F13A1: variants seen among roughly 807,000 people sequenced by gnomAD.
The protein encoded by F13A1 is FSF, A subunit.
F13A1 carries 47 observed loss-of-function variants against 80.1 expected under a neutral mutation model. The observed-to-expected ratio is 0.59, with a 90% CI of 0.46 to 0.75. The LOEUF (loss-of-function observed/expected upper bound fraction) is 0.75. Among genes scored for constraint, F13A1 ranks in the 30% least tolerant of loss-of-function variants. The probability of loss-of-function intolerance (pLI) is 0.00; values close to 1 mark genes in which losing one functional copy is unlikely to be tolerated. For synonymous variants in F13A1, 349 were observed against 344.9 expected, an observed-to-expected ratio of 1.01 and a Z score of -0.13; for missense variants, 817 against 930.4, an observed-to-expected ratio of 0.88 and a Z score of 1.59.
At position 6,197,227 on chromosome 6, in the gene F13A1, G is replaced by A. The variant is rs537966361; in HGVS notation, c.1212C>T (p.Ser404=). 7 of 1,613,836 alleles carry A rather than the reference G, an allele frequency of 4.3e-6. No homozygotes were observed. The highest frequency in any genetic ancestry group is 4.5e-5 in the East Asian group (2 of 44,884). ...QAVDSTPQEN[S]DGMYRCGPAS... is the part of the protein sequence containing the mutation. The stretch of plus-strand genomic sequence containing the variant: ...AGAGGGAGGACACAGTTTTACCATC[G>A]CTATTTTCCTGGGGGGTGCTGTCCA... The change falls in exon 9 of 15, where the codon AGC becomes AGT. Residue 404 remains serine (S), a synonymous_variant. Transcript: ENST00000264870.
chr6:6,317,925 T>A (rs1758707844), intron 2 of F13A1, among the ~76,000 whole-genome samples: 1 of 151,932 alleles, frequency 6.6e-6, no homozygotes, highest in Non-Finnish European at 1.5e-5. Context: ...TGAGAGGAGG[T>A]CAGCTGCCGG....
At chr6:6,296,276 T>A (rs1384173156) in intron 3 of F13A1, among the ~76,000 whole-genome samples, 1 of 151,374 alleles carries the variant, frequency 6.6e-6, no homozygotes, top group South Asian at 2.1e-4. Context: ...TTTCCAATTC[T>A]GTGAAGAAAG....
chr6:6,198,921 A>G (rs764475733), intron 8 of F13A1, among the ~76,000 whole-genome samples: 1 of 152,204 alleles, frequency 6.6e-6, no homozygotes, highest in Non-Finnish European at 1.5e-5. Flanking sequence ...GTTTGAGCTG[A>G]GGCTCGAAAG....
chr6:6,179,987 T>C (rs146947293), intron 11 of F13A1, among the ~76,000 whole-genome samples: 1 of 152,340 alleles, frequency 6.6e-6, no homozygotes, highest in Non-Finnish European at 1.5e-5. Flanking sequence ...GCCTTCACTG[T>C]CACCTCCATG....
Position 6,297,618 on chromosome 6 carries a change from T to C in F13A1, c.319+7733A>G, listed in dbSNP as rs1441972491. Among the ~76,000 whole-genome samples the C allele has an allele frequency of 2.9e-4, 43 of 149,656 alleles. No homozygotes were observed. In the Middle Eastern group the frequency reaches 0.017, roughly 60 times the overall value. On this transcript the variant is annotated intron_variant, in intron 3 of 14. Coordinates refer to ENST00000264870, the MANE Select transcript of F13A1 (RefSeq NM_000129.4). Reference sequence around the variant, plus strand: ...ATCCCCTTTATCATTTTTTATTGTGTCTATTTGATTCTTCTCTCTTTTTTT... The same window carrying C: ...ATCCCCTTTATCATTTTTTATTGTGCCTATTTGATTCTTCTCTCTTTTTTT...
chr6:6,297,856 A>T (rs1265204686), intron 3 of F13A1, among the ~76,000 whole-genome samples: 1 of 149,246 alleles, frequency 6.7e-6, no homozygotes, highest in Non-Finnish European at 1.5e-5. Context: ...TCAATTTTGG[A>T]TCTTTCCTGC....
chr6:6,310,001 T>C (rs1322804485), intron 2 of F13A1, among the ~76,000 whole-genome samples: 2 of 152,190 alleles, frequency 1.3e-5, no homozygotes, highest in Non-Finnish European at 2.9e-5. Context: ...TTGGTATCAT[T>C]GGTATGTCTC....
At chr6:6,314,423 A>C (rs986953082) in intron 2 of F13A1, among the ~76,000 whole-genome samples, 1 of 152,126 alleles carries the variant, frequency 6.6e-6, no homozygotes, top group South Asian at 2.1e-4. Flanking sequence ...TCCCAGGCTT[A>C]TATCTTCTCT....
intron 14 of F13A1, among the ~76,000 whole-genome samples, chr6:6,151,491 C>A (rs1760373057): frequency 6.6e-6 from 1 of 152,202 alleles, no homozygotes; most frequent in Non-Finnish European, 1.5e-5. Flanking sequence ...CAGCCTGAGT[C>A]TGAATCTTGG....
Position 6,144,249 on chromosome 6 carries a change from T to C in F13A1, c.*1370A>G, listed in dbSNP as rs1760236235. 6.6e-6 allele frequency: 1 copy of C among 152,138 alleles called. No individual in the cohort carries two copies. The highest frequency in any genetic ancestry group is 1.5e-5 in the Non-Finnish European group (1 of 68,020). 9.4% of individuals were successfully genotyped at this position (152,138 alleles called of 1,614,324 possible). A position where few individuals can be genotyped will look rare whatever the true frequency, so the allele number is the denominator to read the frequency against. On this transcript the variant is annotated 3_prime_UTR_variant, in exon 15 of 15. Transcript: ENST00000264870. Reference sequence around the variant, plus strand: ...TTACTTAGTAAAGTTAAGTATGATGTATATATAGAGGGGACCAGCTCACCC... The same window carrying C: ...TTACTTAGTAAAGTTAAGTATGATGCATATATAGAGGGGACCAGCTCACCC...
At chr6:6,165,143 C>T (rs1359174572) in intron 13 of F13A1, among the ~76,000 whole-genome samples, 2 of 152,196 alleles carry the variant, frequency 1.3e-5, no homozygotes, top group African/African-American at 4.8e-5. Flanking sequence ...CTCTCTCATG[C>T]TCTCTTCCCT....
chr6:6,152,831 CTTGT>C (rs568908197), intron 13 of F13A1, among the ~76,000 whole-genome samples: 14 of 152,260 alleles, frequency 9.2e-5, no homozygotes, highest in South Asian at 2.1e-4. Flanking sequence ...GGCTATAAGA[CTTGT>C]TTGTTTGTTT....
intron 3 of F13A1, among the ~76,000 whole-genome samples, chr6:6,285,471 A>G (rs1355600626): frequency 6.6e-6 from 1 of 152,252 alleles, no homozygotes; most frequent in Non-Finnish European, 1.5e-5. Flanking sequence ...GAGCATCCCA[A>G]TGGCTAAGCT....
intron 6 of F13A1, among the ~76,000 whole-genome samples, chr6:6,238,114 T>C (rs1757436367): frequency 6.6e-6 from 1 of 152,210 alleles, no homozygotes; most frequent in Non-Finnish European, 1.5e-5. Context: ...AGGACATACA[T>C]ATAAACTAAT....
chr6:6,193,812 G>T (rs1359154450), intron 10 of F13A1, among the ~76,000 whole-genome samples: 1 of 152,098 alleles, frequency 6.6e-6, no homozygotes, highest in Non-Finnish European at 1.5e-5. Context: ...CCTCATTAGG[G>T]GCTCTCGTAG....
chr6:6,177,454 ATGT>A (rs1287296812), intron 11 of F13A1, among the ~76,000 whole-genome samples: 2 of 152,274 alleles, frequency 1.3e-5, no homozygotes, highest in African/African-American at 4.8e-5. Flanking sequence ...GAACAGAGAC[ATGT>A]TGTCCACCTC....
At position 6,153,759 on chromosome 6, in the gene F13A1, C is replaced by T. The variant is rs113088127; in HGVS notation, c.1909-1810G>A. ...TGTAATTCATTTATTTGAGGCACCC[C>T]TGTTGATTACAAAGAACCAGCCCCA... On this transcript the variant is annotated intron_variant, in intron 13 of 14. Coordinates refer to ENST00000264870, the MANE Select transcript of F13A1 (RefSeq NM_000129.4). 7.8e-4 allele frequency among the ~76,000 whole-genome samples: 118 copies of T among 152,256 alleles called. 1 individual carries two copies. The highest frequency in any genetic ancestry group is 2.3e-3 in the African/African-American group (95 of 41,546).
intron 6 of F13A1, among the ~76,000 whole-genome samples, chr6:6,244,100 A>C (rs1354513342): frequency 2.6e-5 from 4 of 152,144 alleles, no homozygotes; most frequent in African/African-American, 9.6e-5. Flanking sequence ...TGATAGTCTG[A>C]CTCAGGGCTC....
chr6:6,152,394 A>G (rs1466882576), intron 13 of F13A1, among the ~76,000 whole-genome samples: 1 of 152,224 alleles, frequency 6.6e-6, no homozygotes, highest in Non-Finnish European at 1.5e-5. Flanking sequence ...TTTTAGACAC[A>G]TTCGCAAGAA....
Sources: gnomAD v4.1 joint callset for allele counts (sites outside exome capture counted in the v4.1 genomes callset) on GRCh38, gnomAD v4.1.1 for gene constraint, MANE v1.5 for transcripts, NCBI Gene and HGNC (gene_info 2026-07-23, HGNC 2026-07-21) for gene names.